The following TMEM63A variants were observed in gnomAD, a reference collection of about 807,000 sequenced individuals.
TMEM63A encodes the protein mechanosensitive cation channel TMEM63A.
A neutral mutation model predicts 100.6 loss-of-function variants in TMEM63A; 76 were observed. The ratio of observed to expected loss-of-function variants is 0.76; its 90% CI spans 0.63 to 0.91. The LOEUF is 0.91. Among genes scored for constraint, TMEM63A ranks in the 40% least tolerant of loss-of-function variants. The pLI, the probability that TMEM63A is intolerant of heterozygous loss-of-function variation, is 0.00. For synonymous variants in TMEM63A, 401 were observed against 401.1 expected (o/e 1.00, Z 0.00); for missense variants, 876 against 1,008.8 (o/e 0.87, Z 1.78).
intron 22 of TMEM63A, among the ~76,000 whole-genome samples, 162 bp from the exon 23 acceptor site, chr1:225,848,716 G>A (rs773574072): frequency 2.0e-5 from 3 of 152,174 alleles, no homozygotes; most frequent in Non-Finnish European, 2.9e-5. Context: ...GCAGGGATGA[G>A]GGGAGGAAGG....
rs763382932 is a variant in TMEM63A at position 225,852,673 on chromosome 1, C to T, written c.1894G>A (p.Ala632Thr). The T allele has an allele frequency of 8.7e-6, 14 of 1,612,860 alleles. No individual in the cohort carries two copies. The highest frequency in any genetic ancestry group is 5.0e-5 in the Admixed American group (3 of 60,012). The stretch of plus-strand genomic sequence containing the variant: ...CTCCAGGGCCACTCACCAAATGGCG[C>T]GATGATGGGACAAGTGATGCTGTAG... ...VAYSITCPII[A>T]PFGLIYILLK... The change falls in exon 20 of 25, where the codon GCG (alanine) becomes ACG (threonine). Residue 632 changes from alanine to threonine, a missense_variant. Ala to Thr is a moderately conservative substitution (Grantham distance 58). This residue lies in a region of TMEM63A where 339 missense variants were observed against 342.3 expected (regional missense o/e 0.99). Transcript: ENST00000366835.
At chr1:225,874,829 G>A (rs1354972166) in intron 3 of TMEM63A, among the ~76,000 whole-genome samples, 1 of 152,146 alleles carries the variant, frequency 6.6e-6, no homozygotes, top group Non-Finnish European at 1.5e-5. Context: ...TCCCCTCCCG[G>A]GTTCAAGCAA....
At chr1:225,844,471 G>A (rs200175043), downstream of TMEM63A, 20 of 1,613,658 alleles carry the variant, frequency 1.2e-5, no homozygotes, top group Admixed American at 1.7e-5. Flanking sequence ...GGCACTGAGA[G>A]TGGGGCTTTG....
At chr1:225,861,135 C>T (rs559436910) in intron 13 of TMEM63A, 138 bp from the exon 14 acceptor site, 9 of 1,005,720 alleles carry the variant, frequency 8.9e-6, no homozygotes, top group Admixed American at 8.6e-5. Flanking sequence ...TTATGAGTAA[C>T]GCTATGTAAG....
Position 225,852,669 on chromosome 1 carries a change from G to C in TMEM63A, c.1898C>G (p.Pro633Arg). ...AYSITCPIIAPFGLIYILLKH... is the reference protein window; with the variant it reads ...AYSITCPIIARFGLIYILLKH... ...CAGGCTCCAGGGCCACTCACCAAAT[G>C]GCGCGATGATGGGACAAGTGATGCT... Residue 633 changes from proline (P) to arginine (R), a missense_variant, in exon 20 of 25, where the codon CCA becomes CGA. Physicochemically the swap from Pro to Arg is moderately radical, Grantham distance 103. Coordinates refer to ENST00000366835, the MANE Select transcript of TMEM63A (RefSeq NM_014698.3). 1 of 1,612,810 alleles carries C rather than the reference G, an allele frequency of 6.2e-7. No individual in the cohort carries two copies. The highest frequency in any genetic ancestry group is 1.3e-5 in the African/African-American group (1 of 74,972).
At chr1:225,842,614 T>C (rs999397569), downstream of TMEM63A, 17 of 748,448 alleles carry the variant, frequency 2.3e-5, no homozygotes, top group African/African-American at 2.7e-4. Context: ...ATCCTCACCC[T>C]GTGACCAACG....
chr1:225,865,864 G>A lies in TMEM63A; in HGVS notation c.746+33C>T, dbSNP rs758040194. ...GGGCTGTGTTGGTCCTACGTGGAGG[G>A]GGCTCAGCTCCCCTCCCACCCCACC... On this transcript the variant is annotated intron_variant, in intron 10 of 24. Coordinates refer to ENST00000366835, the MANE Select transcript of TMEM63A (RefSeq NM_014698.3). This position sits in a 1 kb window ranked among gnomAD's most constrained non-coding sequence, Gnocchi z 4.6. 6.2e-7 allele frequency: 1 copy of A among 1,611,112 alleles called. No individual in the cohort carries two copies. Among genetic ancestry groups the A allele is most frequent in the Non-Finnish European group, 8.5e-7 (1 of 1,178,408 alleles).
chr1:225,864,716 C>T (rs565069662), intron 10 of TMEM63A: 5 of 152,316 alleles, frequency 3.3e-5, no homozygotes, highest in African/African-American at 7.2e-5. Context: ...ATTCAGTTTA[C>T]GATCCTGTCT....
rs998329539 is a variant in TMEM63A at position 225,877,701 on chromosome 1, C to G, written c.-14-107G>C. ...AGGCAGGCGTTTCCCAGGGACTGAT[C>G]GGGCAGTGAGCCAGCAGCAAGGAGT... On this transcript the variant is annotated intron_variant, in intron 2 of 24. Transcript: ENST00000366835. The G allele has an allele frequency of 7.8e-6, 9 of 1,156,502 alleles. No homozygotes were observed. In the African/African-American group the frequency reaches 9.4e-5, roughly 12 times the overall value. The allele number at this position is 1,156,502 out of a possible 1,614,324, so 71.6% of individuals were successfully genotyped here. A position where few individuals can be genotyped will look rare whatever the true frequency, so the allele number is the denominator to read the frequency against.
Position 225,877,702 on chromosome 1 carries a change from G to A in TMEM63A, c.-14-108C>T, listed in dbSNP as rs138719397. On this transcript the variant is annotated intron_variant, in intron 2 of 24. Transcript: ENST00000366835. Reference sequence around the variant, plus strand: ...GGCAGGCGTTTCCCAGGGACTGATCGGGCAGTGAGCCAGCAGCAAGGAGTC... The same window carrying A: ...GGCAGGCGTTTCCCAGGGACTGATCAGGCAGTGAGCCAGCAGCAAGGAGTC... The A allele has an allele frequency of 6.9e-4, 789 of 1,140,402 alleles. 13 individuals are homozygous for A. In the East Asian group the frequency reaches 0.015, roughly 22 times the overall value. The allele number at this position is 1,140,402 out of a possible 1,614,324, so 70.6% of individuals were successfully genotyped here. A position where few individuals can be genotyped will look rare whatever the true frequency, so the allele number is the denominator to read the frequency against.
chr1:225,852,521 G>A (rs569823290), intron 20 of TMEM63A, 143 bp downstream of exon 20: 32 of 703,542 alleles, frequency 4.5e-5, no homozygotes, highest in South Asian at 2.4e-4. Context: ...CTGGTGTCAC[G>A]TGAGTCTTTA....
chr1:225,849,858 G>A (rs771109146), intron 21 of TMEM63A, 54 bp downstream of exon 21: 175 of 1,588,470 alleles, frequency 1.1e-4, no homozygotes, highest in Non-Finnish European at 1.5e-4. Context: ...CTGGCTGGTG[G>A]GGATGCAGGG....
chr1:225,844,137 A>C (rs1257024762), downstream of TMEM63A, among the ~76,000 whole-genome samples: 1 of 152,188 alleles, frequency 6.6e-6, no homozygotes, highest in African/African-American at 2.4e-5. Flanking sequence ...TAAGGAGCTT[A>C]GAACATGCTG....
Position 225,856,832 on chromosome 1 carries a change from G to C in TMEM63A, c.1484+79C>G, listed in dbSNP as rs752090134. On this transcript the variant is annotated intron_variant, in intron 16 of 24. Transcript: ENST00000366835. ...CCATGTGCCCACTGCCTGAGCAGCT[G>C]GGGGGTTAGGGTGTGGACAAGGGAG... 1.7e-4 allele frequency: 264 copies of C among 1,575,656 alleles called. 4 individuals are homozygous for C. In the Middle Eastern group the frequency reaches 3.1e-3, roughly 18 times the overall value.
At chr1:225,878,282 T>C (rs183175372) in intron 2 of TMEM63A, among the ~76,000 whole-genome samples, 83 of 152,296 alleles carry the variant, frequency 5.4e-4, no homozygotes, top group Admixed American at 3.0e-3. Context: ...GACTCTCAGA[T>C]GCCACTTCTC....
chr1:225,876,337 T>C (rs1054610226), intron 3 of TMEM63A, among the ~76,000 whole-genome samples: 4 of 151,104 alleles, frequency 2.6e-5, no homozygotes, highest in Admixed American at 2.6e-4. Flanking sequence ...ACCCTCCCCA[T>C]GTTCCCCACC....
Position 225,853,537 on chromosome 1 carries a change from A to G in TMEM63A, c.1797+92T>C. The G allele has an allele frequency of 8.0e-7, 1 of 1,253,132 alleles. No individual in the cohort carries two copies. The highest frequency in any genetic ancestry group is 1.1e-6 in the Non-Finnish European group (1 of 930,516). The allele number at this position is 1,253,132 out of a possible 1,614,324, so 77.6% of individuals were successfully genotyped here. A position where few individuals can be genotyped will look rare whatever the true frequency, so the allele number is the denominator to read the frequency against. ...GGTAGTCAGGTAAATGCTACCCACT[A>G]GTGGGGGTAGTGGGGGTGAGAGGCC... On this transcript the variant is annotated intron_variant, in intron 19 of 24. Coordinates refer to ENST00000366835, the MANE Select transcript of TMEM63A (RefSeq NM_014698.3). This position sits in a 1 kb window ranked among gnomAD's most constrained non-coding sequence, Gnocchi z 4.0.
In TMEM63A at chr1:225,871,164, G is replaced by A. The variant is rs910886695; in HGVS notation, c.334-51C>T. On this transcript the variant is annotated intron_variant, in intron 5 of 24. Transcript: ENST00000366835. The stretch of plus-strand genomic sequence containing the variant: ...GCTTCCAACATTTGTGTCTTTGAGA[G>A]GCAGATGTAACCATTGTCTTTGACA... 2.5e-6 allele frequency: 4 copies of A among 1,580,388 alleles called. No homozygotes were observed. The African/African-American group carries it at 4.0e-5, about 16-fold the overall frequency.
intron 4 of TMEM63A, among the ~76,000 whole-genome samples, chr1:225,873,597 T>C (rs995471551): frequency 6.6e-6 from 1 of 152,082 alleles, no homozygotes; most frequent in Non-Finnish European, 1.5e-5. Context: ...GTTGTGCAGA[T>C]CCAGAATTCA....
Sources: allele counts gnomAD v4.1 joint callset (sites outside exome capture counted in the v4.1 genomes callset), GRCh38; gene constraint gnomAD v4.1.1; regional missense constraint gnomAD v4.1.1; non-coding constraint Gnocchi (gnomAD v3.1); transcripts MANE v1.5; gene names NCBI Gene and HGNC (gene_info 2026-07-23, HGNC 2026-07-21).